Variants in SI observed in about 807,000 individuals in gnomAD.
The protein encoded by SI is sucrase-isomaltase.
SI carries 235 observed loss-of-function variants against 253.3 expected under a neutral mutation model. The ratio of observed to expected loss-of-function variants is 0.93; its 90% confidence interval spans 0.83 to 1.03. The LOEUF is 1.03. Ranked by LOEUF, SI falls within the 50% of genes least tolerant of loss-of-function variation. The probability of loss-of-function intolerance (pLI) is 0.00; values close to 1 mark genes in which losing one functional copy is unlikely to be tolerated. For missense variants in SI, 2,442 were observed against 2,211.1 expected (o/e 1.10, Z -2.09); for synonymous variants, 819 against 712.0 (o/e 1.15, Z -2.39).
rs550623284 is a variant in SI at position 165,067,189 on chromosome 3, C to T, written c.635+151G>A. 16 of 580,932 alleles carry T rather than the reference C, an allele frequency of 2.8e-5. No individual in the cohort carries two copies. In the African/African-American group the frequency reaches 2.8e-4, roughly 10 times the overall value. The allele number at this position is 580,932 out of a possible 1,614,324, so 36.0% of individuals were successfully genotyped here. ...CCAGTATCTTTCATCCACAAGAAAC[C>T]AAACTCCTTTATCACCGTAATTTTT... On this transcript the variant is annotated intron_variant, in intron 6 of 47. Transcript: ENST00000264382.
At chr3:165,031,675 A>G (rs1181137429) in intron 24 of SI, among the ~76,000 whole-genome samples, 1 of 150,580 alleles carries the variant, frequency 6.6e-6, no homozygotes, top group Non-Finnish European at 1.5e-5. Flanking sequence ...ACAATGTTCT[A>G]TATCTTAAAT....
At chr3:164,980,357 A>C (rs1717120292) in intron 47 of SI, among the ~76,000 whole-genome samples, 1 of 151,938 alleles carries the variant, frequency 6.6e-6, no homozygotes, top group Admixed American at 6.6e-5. Flanking sequence ...GAAAGCAAAA[A>C]TACACCACAT....
chr3:165,042,530 C>T (rs950978390), intron 17 of SI, among the ~76,000 whole-genome samples: 7 of 152,066 alleles, frequency 4.6e-5, no homozygotes, highest in African/African-American at 1.7e-4. Context: ...TCTGCTCCTA[C>T]CAGTCCAAAA....
chr3:165,030,997 G>A (rs1712208532), intron 24 of SI, 130 bp from the exon 25 acceptor site: 46 of 1,283,378 alleles, frequency 3.6e-5, no homozygotes, highest in South Asian at 1.3e-4. Flanking sequence ...TGGCAACGAG[G>A]GCAATTCTTC....
Position 165,074,599 on chromosome 3 carries a change from A to G in SI, c.187T>C (p.Cys63Arg). 1 of 1,610,586 alleles carries G rather than the reference A, an allele frequency of 6.2e-7. No individual in the cohort carries two copies. Among genetic ancestry groups the G allele is most frequent in the Non-Finnish European group, 8.5e-7 (1 of 1,177,618 alleles). ...ACAGGATCATTTAACACATTTGGAC[A>G]TTTTCCTGAATCAGAAGGATTTGTA... ...VTTNPSDSGK[C>R]PNVLNDPVNV... Residue 63 changes from cysteine to arginine, a missense_variant, in exon 3 of 48, where the codon TGT becomes CGT. Transcript: ENST00000264382.
Position 165,060,045 on chromosome 3 carries a change from T to C in SI, c.1021-18A>G, listed in dbSNP as rs762753204. The C allele has an allele frequency of 1.2e-6, 2 of 1,606,462 alleles. No homozygotes were observed. The highest frequency in any genetic ancestry group is 1.7e-6 in the Non-Finnish European group (2 of 1,174,418). On this transcript the variant is annotated intron_variant, in intron 9 of 47. Coordinates refer to ENST00000264382, the MANE Select transcript of SI (RefSeq NM_001041.4). ...CCAACAAGCTTAAAGTAAATGAGCA[T>C]GTAATTAGTTTGAATAGAAATAAAT...
chr3:165,042,278 T>A (rs988979915), intron 17 of SI, among the ~76,000 whole-genome samples: 1 of 152,112 alleles, frequency 6.6e-6, no homozygotes, highest in Non-Finnish European at 1.5e-5. Context: ...ACCTTTTAAT[T>A]TTTTTCCATC....
rs1712737862 is a variant in SI, at chr3:165,040,062, G to A, written c.2160-91C>T. ...AGTTTATCTTTTCAGTTTTTTCCTG[G>A]GAATTGTTGTTATCTTGAATTGTGC... On this transcript the variant is annotated intron_variant, in intron 18 of 47. Transcript: ENST00000264382. 3.0e-6 allele frequency: 3 copies of A among 987,708 alleles called. 1 individual carries two copies. The African/African-American group carries it at 4.8e-5, about 16-fold the overall frequency. 61.2% of individuals were successfully genotyped at this position (987,708 alleles called of 1,614,324 possible). A position where few individuals can be genotyped will look rare whatever the true frequency, so the allele number is the denominator to read the frequency against.
intron 15 of SI, among the ~76,000 whole-genome samples, chr3:165,047,842 G>T (rs959373127): frequency 8.0e-5 from 2 of 24,862 alleles, no homozygotes; most frequent in Admixed American, 3.0e-4. Flanking sequence ...TAATTAAGAA[G>T]ATTTTTTTTT....
At position 165,042,046 on chromosome 3, in the gene SI, C is replaced by A. The variant is rs146731064; in HGVS notation, c.2005-952G>T. 4.3e-4 allele frequency among the ~76,000 whole-genome samples: 66 copies of A among 152,150 alleles called. 2 individuals carry two copies. Among genetic ancestry groups the A allele is most frequent in the African/African-American group, 1.3e-3 (54 of 41,550 alleles). On this transcript the variant is annotated intron_variant, in intron 17 of 47. Coordinates refer to ENST00000264382, the MANE Select transcript of SI (RefSeq NM_001041.4). ...CATCTTCATCAAGTTCAGACCTGAA[C>A]GGTGGTCTGCAGGCTCTCCTCATTT... is the stretch of plus-strand genomic sequence containing the variant.
At chr3:165,077,432 C>A (rs1715071489) in intron 1 of SI, among the ~76,000 whole-genome samples, 1 of 151,566 alleles carries the variant, frequency 6.6e-6, no homozygotes, top group Admixed American at 6.6e-5. Flanking sequence ...TAAAAGTAGT[C>A]AGAGAATAAT....
At chr3:165,090,181 A>G in the SI span, among the ~76,000 whole-genome samples, 4 of 146,364 alleles carry the variant, frequency 2.7e-5, no homozygotes, top group South Asian at 6.5e-4. Flanking sequence ...GAGAGAGAGA[A>G]CCCCCCCGCA....
intron 10 of SI, 137 bp from the exon 11 acceptor site, chr3:165,059,436 T>C: frequency 1.2e-6 from 1 of 861,294 alleles, no homozygotes; most frequent in East Asian, 2.6e-5. Context: ...TTCATTTCAC[T>C]AAAGAAGCAA....
In SI at chr3:164,991,369, G is replaced by T; in HGVS notation, c.5092C>A (p.Gln1698Lys). The stretch of plus-strand genomic sequence containing the variant: ...TTCACTTACCTGTAAAATGTGTTTT[G>T]AGCTGGCTCTTGACATGGTAGGATG... Reference protein sequence around the residue: ...GHILPCQEPAQNTFYSRQKHM... With the variant: ...GHILPCQEPAKNTFYSRQKHM... The change falls in exon 44 of 48, where the codon CAA becomes AAA. Residue 1698 changes from glutamine to lysine, a missense_variant. Gln to Lys is a moderately conservative substitution (Grantham distance 53). Coordinates refer to ENST00000264382, the MANE Select transcript of SI (RefSeq NM_001041.4). 1 of 1,613,630 alleles carries T rather than the reference G, an allele frequency of 6.2e-7. No individual in the cohort carries two copies. Among genetic ancestry groups the T allele is most frequent in the Non-Finnish European group, 8.5e-7 (1 of 1,179,750 alleles).
At chr3:165,054,816 C>A (rs1019945105) in intron 13 of SI, among the ~76,000 whole-genome samples, 3 of 152,122 alleles carry the variant, frequency 2.0e-5, no homozygotes, top group African/African-American at 7.2e-5. Flanking sequence ...CATATTGCTG[C>A]TGTTGCTTGA....
In SI at chr3:165,062,410, T is replaced by C. The variant is rs201456539; in HGVS notation, c.981A>G (p.Leu327=). ...TGGILDFYIL[L]GDTPEQVVQQ... is the part of the protein sequence containing the mutation. Reference sequence around the variant, plus strand: ...GAACTACTTGTTCTGGTGTATCTCCTAGAAGGATGTAAAAATCCAGAATGC... The same window carrying C: ...GAACTACTTGTTCTGGTGTATCTCCCAGAAGGATGTAAAAATCCAGAATGC... Residue 327 remains leucine, a synonymous_variant, in exon 9 of 48, where the codon CTA becomes CTG. Transcript: ENST00000264382. 8 of 1,601,230 alleles carry C rather than the reference T, an allele frequency of 5.0e-6. No homozygotes were observed. In the East Asian group the frequency reaches 9.0e-5, roughly 18 times the overall value.
chr3:165,063,450 T>A lies in SI; in HGVS notation c.899A>T (p.Asn300Ile), dbSNP rs770173623. 7.0e-7 allele frequency: 1 copy of A among 1,423,958 alleles called. No homozygotes were observed. Among genetic ancestry groups the A allele is most frequent in the Non-Finnish European group, 9.9e-7 (1 of 1,009,188 alleles). The allele number at this position is 1,423,958 out of a possible 1,614,324, so 88.2% of individuals were successfully genotyped here. ...KSFGVFLMNS[N>I]AMEIFIQPTP... ...AAATGAATTATTCTTACCCATTGCA[T>A]TGCTATTCATTAAAAAAACACCGAA... The change falls in exon 8 of 48, where the codon AAT becomes ATT. Residue 300 changes from asparagine (N) to isoleucine (I), a missense_variant. Asn to Ile is a moderately radical substitution (Grantham distance 149). Coordinates refer to ENST00000264382, the MANE Select transcript of SI (RefSeq NM_001041.4).
At chr3:165,021,404 A>G (rs1327122782) in intron 26 of SI, 21 bp from the exon 27 acceptor site, 16 of 1,595,834 alleles carry the variant, frequency 1.0e-5, no homozygotes, top group Non-Finnish European at 1.3e-5. Flanking sequence ...TAAGTAGTAA[A>G]AAAGTTTATT....
chr3:165,037,541 T>C (rs922224443), intron 21 of SI, among the ~76,000 whole-genome samples: 5 of 151,992 alleles, frequency 3.3e-5, no homozygotes, highest in African/African-American at 1.2e-4. Context: ...TTTATGTATG[T>C]ATGGAAATTC....
Sources: gnomAD v4.1 joint callset for allele counts (sites outside exome capture counted in the v4.1 genomes callset) on GRCh38, gnomAD v4.1.1 for gene constraint, MANE v1.5 for transcripts, NCBI Gene and HGNC (gene_info 2026-07-23, HGNC 2026-07-21) for gene names.